Variants in TMEM232 observed in about 807,000 individuals in gnomAD.
TMEM232 encodes transmembrane protein 232.
Under a neutral mutation model 78.8 loss-of-function variants are expected in TMEM232, and 80 were observed. The ratio of observed to expected loss-of-function variants is 1.01; its 90% CI spans 0.85 to 1.22. The LOEUF (loss-of-function observed/expected upper bound fraction) is 1.22. Among genes scored for constraint, TMEM232 ranks in the 50% most tolerant of loss-of-function variants. TMEM232 has a pLI of 0.00. For missense variants in TMEM232, 881 were observed against 742.2 expected, an observed-to-expected ratio of 1.19 and a Z score of -2.17; for synonymous variants, 297 against 254.3, an observed-to-expected ratio of 1.17 and a Z score of -1.60.
chr5:110,585,483 T>C (rs1046841079), intron 10 of TMEM232, among the ~76,000 whole-genome samples: 4 of 151,990 alleles, frequency 2.6e-5, no homozygotes, highest in Non-Finnish European at 4.4e-5. Flanking sequence ...GGGTAGAAAA[T>C]TGTCAGGTTT....
chr5:110,408,867 C>T (rs311722), intron 2 of TMEM232, among the ~76,000 whole-genome samples: 41,645 of 151,958 alleles, frequency 0.27, 9,412 homozygotes, highest in African/African-American at 0.61. Flanking sequence ...CCTAGCCCAC[C>T]ACTCATCACA....
chr5:110,724,676 C>A (rs1252932231), intron 1 of TMEM232, among the ~76,000 whole-genome samples: 1 of 152,102 alleles, frequency 6.6e-6, no homozygotes, highest in Non-Finnish European at 1.5e-5. Context: ...TGGCCTTCTG[C>A]AGAAAGGCAT....
At chr5:110,596,294 C>A (rs182898652) in intron 10 of TMEM232, among the ~76,000 whole-genome samples, 3,336 of 152,290 alleles carry the variant, frequency 0.022, 60 homozygotes, top group Non-Finnish European at 0.033. Context: ...GACACATACA[C>A]TCTCCCAAGA....
chr5:110,613,908 T>C (rs1388292601), intron 8 of TMEM232, among the ~76,000 whole-genome samples: 3 of 152,072 alleles, frequency 2.0e-5, no homozygotes, highest in African/African-American at 4.8e-5. Flanking sequence ...ATATTTGGTA[T>C]AATGTTATTA....
chr5:110,704,120 T>A (rs556421520), intron 1 of TMEM232, among the ~76,000 whole-genome samples: 1 of 152,136 alleles, frequency 6.6e-6, no homozygotes, highest in Non-Finnish European at 1.5e-5. Context: ...GATAAAACTC[T>A]TTTTACAGTG....
At chr5:110,615,017 T>C (rs887954253) in intron 8 of TMEM232, among the ~76,000 whole-genome samples, 2 of 151,944 alleles carry the variant, frequency 1.3e-5, no homozygotes, top group East Asian at 1.9e-4. Flanking sequence ...GTAAAAAATA[T>C]TGCAATCTTT....
At position 110,620,662 on chromosome 5, in the gene TMEM232, C is replaced by CCTCT. The variant is rs747812196; in HGVS notation, c.769-2104_769-2101dup. ...CTCCTCTCTCCTCTCTCTCTCTCCT[C>CCTCT]CTCTCTCTCTCTCTCTCTCTCCCTC... On this transcript the variant is annotated intron_variant, in intron 7 of 13. Transcript: ENST00000455884. Among the ~76,000 whole-genome samples the CCTCT allele has an allele frequency of 1.0e-3, 105 of 100,418 alleles. 1 individual carries two copies. The highest frequency in any genetic ancestry group is 3.9e-3 in the African/African-American group (99 of 25,198). The allele number at this position is 100,418 out of a possible 152,430, so 65.9% of individuals were successfully genotyped here.
intron 3 of TMEM232, among the ~76,000 whole-genome samples, chr5:110,396,542 G>A (rs1580548385): frequency 1.3e-5 from 2 of 152,144 alleles, no homozygotes; most frequent in South Asian, 4.1e-4. Flanking sequence ...TCAAGCTTCT[G>A]GTTAGCATTG....
At chr5:110,725,871 A>T (rs1355044265) in intron 1 of TMEM232, 1 of 152,186 alleles carries the variant, frequency 6.6e-6, no homozygotes, top group Non-Finnish European at 1.5e-5. Flanking sequence ...GAAAGGTAAC[A>T]TGCATTAGAG....
At chr5:110,473,627 A>T (rs1306448612) in intron 12 of TMEM232, among the ~76,000 whole-genome samples, 1 of 151,554 alleles carries the variant, frequency 6.6e-6, no homozygotes, top group African/African-American at 2.4e-5. Flanking sequence ...TGATCTAGCA[A>T]TCTCACTACT....
intron 1 of TMEM232, among the ~76,000 whole-genome samples, chr5:110,723,671 T>A (rs1797879415): frequency 6.6e-6 from 1 of 152,204 alleles, no homozygotes; most frequent in Non-Finnish European, 1.5e-5. Context: ...TAGCTTCCTA[T>A]CCAATATTCA....
intron 12 of TMEM232, among the ~76,000 whole-genome samples, chr5:110,432,479 T>C (rs1057332055): frequency 1.7e-4 from 26 of 151,552 alleles, no homozygotes; most frequent in African/African-American, 5.8e-4. Flanking sequence ...AAATGCTTAA[T>C]AGAGCTCTAA....
At chr5:110,657,778 G>C (rs764093047) in intron 2 of TMEM232, among the ~76,000 whole-genome samples, 1 of 152,134 alleles carries the variant, frequency 6.6e-6, no homozygotes, top group Non-Finnish European at 1.5e-5. Context: ...AATAATACAT[G>C]TTTAAAGTGG....
intron 8 of TMEM232, among the ~76,000 whole-genome samples, chr5:110,616,752 CATT>C (rs1246656250): frequency 1.3e-5 from 2 of 152,000 alleles, no homozygotes; most frequent in Non-Finnish European, 1.5e-5. Flanking sequence ...ACCACAATGA[CATT>C]ATCACCTCAC....
intron 10 of TMEM232, among the ~76,000 whole-genome samples, chr5:110,574,681 T>C (rs1777369493): frequency 6.6e-6 from 1 of 152,096 alleles, no homozygotes; most frequent in African/African-American, 2.4e-5. Flanking sequence ...ACTTCCATAG[T>C]TGACCATACT....
chr5:110,707,066 T>C (rs1795997165), intron 1 of TMEM232, among the ~76,000 whole-genome samples: 1 of 152,116 alleles, frequency 6.6e-6, no homozygotes, highest in Admixed American at 6.6e-5. Context: ...AATATCCAAA[T>C]AAAATTGTAA....
intron 12 of TMEM232, among the ~76,000 whole-genome samples, chr5:110,445,952 A>G (rs1759598826): frequency 6.6e-6 from 1 of 152,168 alleles, no homozygotes; most frequent in African/African-American, 2.4e-5. Flanking sequence ...GCCATATTCT[A>G]TTCATTAGAA....
intron 10 of TMEM232, among the ~76,000 whole-genome samples, chr5:110,581,498 C>T (rs1040517235): frequency 2.6e-5 from 4 of 151,958 alleles, no homozygotes; most frequent in Admixed American, 6.6e-5. Flanking sequence ...CTTCCTTAAA[C>T]TATATACAAA....
At chr5:110,614,606 C>T (rs1255357516) in intron 8 of TMEM232, among the ~76,000 whole-genome samples, 3 of 152,004 alleles carry the variant, frequency 2.0e-5, no homozygotes, top group African/African-American at 7.2e-5. Flanking sequence ...GCTACATTTA[C>T]TGTTTCTGCA....
Sources: allele counts gnomAD v4.1 joint callset (sites outside exome capture counted in the v4.1 genomes callset), GRCh38; gene constraint gnomAD v4.1.1; transcripts MANE v1.5; gene names NCBI Gene and HGNC (gene_info 2026-07-23, HGNC 2026-07-21).